CATSPERB: variants seen among roughly 807,000 people sequenced by gnomAD.
CATSPERB encodes the protein cation channel sperm-associated auxiliary subunit beta.
CATSPERB carries 93 observed loss-of-function variants against 128.3 expected under a neutral mutation model. The observed-to-expected ratio is 0.72, with a 90% CI of 0.61 to 0.86. The LOEUF (loss-of-function observed/expected upper bound fraction) is 0.86. Among genes scored for constraint, CATSPERB ranks in the 40% least tolerant of loss-of-function variants. The pLI, the probability that CATSPERB is intolerant of heterozygous loss-of-function variation, is 0.00. For missense variants in CATSPERB, 1,153 were observed against 1,329.5 expected, an observed-to-expected ratio of 0.87 and a Z score of 2.06; for synonymous variants, 381 against 448.8, an observed-to-expected ratio of 0.85 and a Z score of 1.91.
At chr14:91,658,703 T>A (rs1342244528) in intron 15 of CATSPERB, among the ~76,000 whole-genome samples, 2 of 23,668 alleles carry the variant, frequency 8.5e-5, no homozygotes, top group Non-Finnish European at 9.6e-5. Flanking sequence ...AAGAATAAAA[T>A]ATTTTTAAAA....
rs201553111 is a variant in CATSPERB at position 91,718,289 on chromosome 14, A to G, written c.370+1129T>C. ...TTGAATAAAGGGTAAAGAGAGTGAT[A>G]CAATCTATGCCAGATGTTATGGCAC... On this transcript the variant is annotated intron_variant, in intron 5 of 26. Transcript: ENST00000256343. 2.0e-4 allele frequency among the ~76,000 whole-genome samples: 31 copies of G among 152,364 alleles called. No homozygotes were observed. The East Asian group carries it at 4.2e-3, about 21-fold the overall frequency.
chr14:91,658,345 T>C (rs1490696208), intron 15 of CATSPERB, among the ~76,000 whole-genome samples: 1 of 151,848 alleles, frequency 6.6e-6, no homozygotes, highest in Admixed American at 6.6e-5. Context: ...AAAATGGAAC[T>C]CACAGACATA....
Position 91,636,398 on chromosome 14 carries a change from G to A in CATSPERB, c.1742+27C>T, listed in dbSNP as rs778714158. ...AAAAGTAGATTCTAGAAACCAATAT[G>A]CCATCTAAATAAATGCATATCACTA... On this transcript the variant is annotated intron_variant, in intron 17 of 26. Transcript: ENST00000256343. 26 of 1,601,226 alleles carry A rather than the reference G, an allele frequency of 1.6e-5. No homozygotes were observed. In the South Asian group the frequency reaches 2.8e-4, roughly 17 times the overall value.
rs138294804 is a variant in CATSPERB, at chr14:91,668,931, A to G, written c.1287+883T>C. On this transcript the variant is annotated intron_variant, in intron 14 of 26. Transcript: ENST00000256343. ...GGTCCGCAGATTCATTCTTGAAGTC[A>G]GCGAAACCAAGAACCCACCGGAAGG... is the stretch of plus-strand genomic sequence containing the variant. 9.0e-3 allele frequency among the ~76,000 whole-genome samples: 1,364 copies of G among 152,344 alleles called. 16 individuals carry two copies. Among genetic ancestry groups the G allele is most frequent in the Middle Eastern group, 0.044 (13 of 294 alleles).
At position 91,672,894 on chromosome 14, in the gene CATSPERB, A is replaced by G. The variant is rs746691707; in HGVS notation, c.1101T>C (p.Gly367=). The change falls in exon 13 of 27, where the codon GGT becomes GGC. Residue 367 remains glycine, a synonymous_variant. Transcript: ENST00000256343. ...TGTTATAGAAGAGGTAAACTCCAGT[A>G]CCACGCTCTTGGTCAACAAGAAATG... ...VLTFLVDQER[G]TGVYLFYNKV... is the part of the protein sequence containing the mutation. 3.1e-6 allele frequency: 5 copies of G among 1,593,028 alleles called. No homozygotes were observed. Among genetic ancestry groups the G allele is most frequent in the Non-Finnish European group, 4.3e-6 (5 of 1,175,430 alleles).
chr14:91,662,773 T>C (rs190502608), intron 14 of CATSPERB, among the ~76,000 whole-genome samples: 2 of 152,374 alleles, frequency 1.3e-5, no homozygotes, highest in East Asian at 3.9e-4. Context: ...TCATTCCTGA[T>C]TTGTATTTCC....
chr14:91,665,831 C>A, intron 14 of CATSPERB, among the ~76,000 whole-genome samples: 1 of 152,066 alleles, frequency 6.6e-6, no homozygotes, highest in East Asian at 1.9e-4. Flanking sequence ...GGCGACAGAA[C>A]AAGACTCCGT....
intron 7 of CATSPERB, among the ~76,000 whole-genome samples, chr14:91,702,951 C>T (rs1895676323): frequency 6.6e-6 from 1 of 151,516 alleles, no homozygotes; most frequent in South Asian, 2.1e-4. Flanking sequence ...GATTTCTTAC[C>T]TTAATAGGAT....
chr14:91,693,346 T>C, intron 8 of CATSPERB, 38 bp downstream of exon 8: 1 of 1,572,290 alleles, frequency 6.4e-7, no homozygotes, highest in Non-Finnish European at 8.7e-7. Flanking sequence ...TTGATGTAAG[T>C]AAAATGCTCA....
At chr14:91,660,114 TCTCACA>T (rs369775954) in intron 14 of CATSPERB, 133 bp from the exon 15 acceptor site, 36,577 of 348,462 alleles carry the variant, frequency 0.1, 514 homozygotes, top group South Asian at 0.15. Context: ...TCTCTCTCTC[TCTCACA>T]CACACACACA....
At chr14:91,622,360 G>A (rs964954057) in intron 18 of CATSPERB, among the ~76,000 whole-genome samples, 2 of 152,126 alleles carry the variant, frequency 1.3e-5, no homozygotes, top group Non-Finnish European at 2.9e-5. Context: ...TTGTTGAATG[G>A]ATGAGTGATT....
chr14:91,628,054 G>C (rs1440100373), intron 17 of CATSPERB, among the ~76,000 whole-genome samples: 1 of 152,178 alleles, frequency 6.6e-6, no homozygotes, highest in Non-Finnish European at 1.5e-5. Flanking sequence ...CTTTCTGGTG[G>C]GAGGGGGCAA....
intron 22 of CATSPERB, chr14:91,604,784 GA>G (rs1387707816): frequency 2.4e-5 from 38 of 1,612,500 alleles, no homozygotes; most frequent in Non-Finnish European, 3.2e-5. Context: ...GTGGTAGGAA[GA>G]GTAGAGGCTG....
intron 17 of CATSPERB, among the ~76,000 whole-genome samples, chr14:91,629,287 A>G (rs1894227873): frequency 6.6e-6 from 1 of 152,242 alleles, no homozygotes; most frequent in Non-Finnish European, 1.5e-5. Context: ...TATATACGGT[A>G]TGATTCAAAC....
rs1425363768 is a variant in CATSPERB at position 91,704,628 on chromosome 14, T to C, written c.540A>G (p.Val180=). Residue 180 remains valine, a synonymous_variant, in exon 7 of 27, where the codon GTA becomes GTG. Transcript: ENST00000256343. ...SEISKLYPHV[V]DLKVTKCPCA... ...AGGGGCATTTTGTCACTTTGAGATCTACCACATGTGGATATAATTTACTGA... is the reference window on the plus strand; with the variant it reads ...AGGGGCATTTTGTCACTTTGAGATCCACCACATGTGGATATAATTTACTGA... 7.4e-6 allele frequency: 12 copies of C among 1,613,584 alleles called. No homozygotes were observed. In the Admixed American group the frequency reaches 1.8e-4, roughly 25 times the overall value.
At position 91,708,236 on chromosome 14, in the gene CATSPERB, T is replaced by C. The variant is rs776822615; in HGVS notation, c.371A>G (p.Asp124Gly). ...TAACCATTCTTCTACAGCTGCAATA[T>C]CTGTTTGAAAACAAAAGGCAAATAA... is the stretch of plus-strand genomic sequence containing the variant. The part of the protein sequence containing the change: ...IPRENITQST[D>G]IAAVEEWLVR... The change falls in exon 6 of 27, where the codon GAT (aspartate) becomes GGT (glycine). Residue 124 changes from aspartate (D) to glycine (G), a missense_variant and splice_region_variant. By Grantham distance (94) the Asp-to-Gly change is moderately conservative (BLOSUM62 -1). Transcript: ENST00000256343. 1.9e-6 allele frequency: 3 copies of C among 1,588,408 alleles called. No homozygotes were observed. Among genetic ancestry groups the C allele is most frequent in the Middle Eastern group, 3.3e-4 (2 of 5,978 alleles).
intron 15 of CATSPERB, among the ~76,000 whole-genome samples, chr14:91,646,834 T>G (rs1894615634): frequency 6.6e-6 from 1 of 152,228 alleles, no homozygotes; most frequent in Admixed American, 6.5e-5. Flanking sequence ...TTAGAAAATA[T>G]GATTGGATAT....
At chr14:91,619,142 A>G (rs1216538377) in intron 19 of CATSPERB, among the ~76,000 whole-genome samples, 1 of 152,208 alleles carries the variant, frequency 6.6e-6, no homozygotes, top group African/African-American at 2.4e-5. Context: ...GAGAGATTAC[A>G]ATGGAACAGA....
At chr14:91,582,153 C>T (rs1233821288) in intron 26 of CATSPERB, among the ~76,000 whole-genome samples, 3 of 152,162 alleles carry the variant, frequency 2.0e-5, no homozygotes, top group Non-Finnish European at 2.9e-5. Context: ...CCCACCAGTC[C>T]GTGTTGACAT....
Sources: gnomAD v4.1 joint callset for allele counts (sites outside exome capture counted in the v4.1 genomes callset) on GRCh38, gnomAD v4.1.1 for gene constraint, MANE v1.5 for transcripts, NCBI Gene and HGNC (gene_info 2026-07-23, HGNC 2026-07-21) for gene names.